The following RBFOX1 variants were observed in gnomAD, a reference collection of about 807,000 sequenced individuals.
RBFOX1 encodes the protein RNA binding fox-1 homolog 1.
RBFOX1 carries 8 observed loss-of-function variants against 57.7 expected under a neutral mutation model. The observed-to-expected ratio is 0.14, with a 90% confidence interval of 0.08 to 0.25. The LOEUF (loss-of-function observed/expected upper bound fraction) is 0.25, where lower values mean the gene tolerates loss of function less well. Ranked by LOEUF, RBFOX1 falls within the 10% of genes least tolerant of loss-of-function variation. The probability of loss-of-function intolerance (pLI) is 1.00; values close to 1 mark genes in which losing one functional copy is unlikely to be tolerated. For missense variants in RBFOX1, 611 were observed against 548.5 expected (o/e 1.11, Z -1.14); for synonymous variants, 326 against 222.4 (o/e 1.47, Z -4.15).
chr16:5,929,002 C>T (rs1229554094), intron 4 of RBFOX1, among the ~76,000 whole-genome samples: 1 of 142,066 alleles, frequency 7.0e-6, no homozygotes, highest in Non-Finnish European at 1.5e-5. Context: ...CCTAAGGCCA[C>T]TTTCAAAGTG....
intron 3 of RBFOX1, among the ~76,000 whole-genome samples, chr16:6,752,576 A>G (rs939189998): frequency 1.3e-5 from 2 of 152,216 alleles, no homozygotes; most frequent in Admixed American, 1.3e-4. Flanking sequence ...GATACTCTTC[A>G]CTGAACTTTG....
intron 14 of RBFOX1, among the ~76,000 whole-genome samples, chr16:7,677,206 T>C (rs930600567): frequency 6.7e-6 from 1 of 148,526 alleles, no homozygotes; most frequent in Non-Finnish European, 1.5e-5. Context: ...CGGTTTCATC[T>C]AACTCATAGG....
At chr16:6,092,995 A>G (rs961160423) in intron 1 of RBFOX1, 3 of 152,230 alleles carry the variant, frequency 2.0e-5, no homozygotes, top group Non-Finnish European at 2.9e-5. Context: ...AGAATAATCT[A>G]TACACCAAAA....
intron 1 of RBFOX1, among the ~76,000 whole-genome samples, chr16:6,029,380 G>C (rs2095254006): frequency 6.6e-6 from 1 of 152,184 alleles, no homozygotes. Context: ...TAAGAAAGCC[G>C]ATTAGCCACA....
chr16:7,232,906 A>G (rs1468717704), intron 4 of RBFOX1, among the ~76,000 whole-genome samples: 1 of 151,772 alleles, frequency 6.6e-6, no homozygotes, highest in Non-Finnish European at 1.5e-5. Context: ...CTTACCTAGC[A>G]CATGATGTTA....
intron 5 of RBFOX1, among the ~76,000 whole-genome samples, chr16:7,549,472 G>C (rs1172129147): frequency 6.6e-6 from 1 of 152,098 alleles, no homozygotes; most frequent in Non-Finnish European, 1.5e-5. Flanking sequence ...TATATAAGGG[G>C]GAGTTTATAA....
In RBFOX1 at chr16:5,947,670, C is replaced by G. The variant is rs898106194; in HGVS notation, c.351+80335C>G. 6.6e-6 allele frequency among the ~76,000 whole-genome samples: 1 copy of G among 152,140 alleles called. No individual in the cohort carries two copies. The highest frequency in any genetic ancestry group is 2.4e-5 in the African/African-American group (1 of 41,448). On this transcript the variant is annotated intron_variant, in intron 4 of 19. Coordinates refer to the RBFOX1 transcript ENST00000641259. The surrounding 1 kb of genome is among the most constrained non-coding windows in gnomAD (Gnocchi z 7.2). The stretch of plus-strand genomic sequence containing the variant: ...TGGCATCCCTTACCATCTTCCTTCT[C>G]TATTGTAAATCTGCCCTTTTGAGAG...
chr16:5,576,554 A>G (rs1014204704), intron 2 of RBFOX1, among the ~76,000 whole-genome samples: 4 of 152,336 alleles, frequency 2.6e-5, no homozygotes, highest in African/African-American at 9.6e-5. Context: ...AAAGATGTGT[A>G]TCCTGCCCCT....
At chr16:7,338,558 T>TA (rs2096836126) in intron 4 of RBFOX1, among the ~76,000 whole-genome samples, 1 of 152,082 alleles carries the variant, frequency 6.6e-6, no homozygotes, top group African/African-American at 2.4e-5. Flanking sequence ...TCAGCTTTTT[T>TA]AAAAAAAATT....
At chr16:7,276,133 C>A (rs1276038957) in intron 4 of RBFOX1, among the ~76,000 whole-genome samples, 5 of 152,324 alleles carry the variant, frequency 3.3e-5, no homozygotes, top group Middle Eastern at 3.4e-3. Flanking sequence ...TTTAAAGAGA[C>A]CCTGCAAGGT....
In RBFOX1 at chr16:7,709,038, C is replaced by G. The variant is rs768320667; in HGVS notation, c.996-18C>G. On this transcript the variant is annotated intron_variant, in intron 14 of 15. Coordinates refer to ENST00000550418, the MANE Select transcript of RBFOX1 (RefSeq NM_018723.4). ...ATTGCATACTGTGGATCAATCTTCA[C>G]CTCTATTTTCCTTTCAGTTACGGAC... 1 of 1,601,664 alleles carries G rather than the reference C, an allele frequency of 6.2e-7. No individual in the cohort carries two copies. Among genetic ancestry groups the G allele is most frequent in the South Asian group, 1.1e-5 (1 of 90,796 alleles).
In RBFOX1 at chr16:5,866,604, A is replaced by T. The variant is rs80133635; in HGVS notation, c.319-699A>T. On this transcript the variant is annotated intron_variant, in intron 3 of 19. Transcript: ENST00000641259. The stretch of plus-strand genomic sequence containing the variant: ...GGAGGTGTCTACACCAAATCCTTTG[A>T]TATACAGTAGGCTTGTAGATAGGAG... Among the ~76,000 whole-genome samples the T allele has an allele frequency of 5.1e-3, 784 of 152,348 alleles. 4 individuals carry two copies. Among genetic ancestry groups the T allele is most frequent in the African/African-American group, 0.018 (736 of 41,576 alleles).
intron 3 of RBFOX1, among the ~76,000 whole-genome samples, chr16:6,680,565 C>T (rs2058499969): frequency 6.6e-6 from 1 of 152,182 alleles, no homozygotes; most frequent in African/African-American, 2.4e-5. Context: ...GTCCGGCCCT[C>T]TTTGCTTTTT....
chr16:7,581,656 A>T (rs1020845125), intron 6 of RBFOX1, among the ~76,000 whole-genome samples: 1 of 152,174 alleles, frequency 6.6e-6, no homozygotes, highest in Admixed American at 6.5e-5. Flanking sequence ...GGCAAGGAGC[A>T]AGATCTTGCC....
At chr16:6,521,881 C>G (rs1374813466) in intron 2 of RBFOX1, among the ~76,000 whole-genome samples, 1 of 152,056 alleles carries the variant, frequency 6.6e-6, no homozygotes, top group Non-Finnish European at 1.5e-5. Context: ...ATCACTGGCC[C>G]ATTTTAATCT....
At chr16:6,524,314 A>G (rs1020551264) in intron 2 of RBFOX1, among the ~76,000 whole-genome samples, 1 of 152,194 alleles carries the variant, frequency 6.6e-6, no homozygotes. Flanking sequence ...GTTGTTGCAA[A>G]TGACTGTATC....
At chr16:6,004,597 T>A (rs1337677015) in intron 4 of RBFOX1, among the ~76,000 whole-genome samples, 1 of 152,216 alleles carries the variant, frequency 6.6e-6, no homozygotes, top group Non-Finnish European at 1.5e-5. Context: ...TATATGCTAT[T>A]CATTTAACAT....
rs368803215 is a variant in RBFOX1 at position 5,558,969 on chromosome 16, G to C, written c.259-39933G>C. Among the ~76,000 whole-genome samples, 387 of 152,120 alleles carry C rather than the reference G, an allele frequency of 2.5e-3. 2 individuals are homozygous for C. The highest frequency in any genetic ancestry group is 8.9e-3 in the African/African-American group (369 of 41,494). ...CTAGATGTGTGAGGCATGCCAGGTGGGTCAGAGGGAGGTGATCCCACACTC... is the reference window on the plus strand; with the variant it reads ...CTAGATGTGTGAGGCATGCCAGGTGCGTCAGAGGGAGGTGATCCCACACTC... On this transcript the variant is annotated intron_variant, in intron 2 of 2. Transcript: ENST00000585867.
intron 4 of RBFOX1, among the ~76,000 whole-genome samples, chr16:5,912,290 C>G (rs1395001619): frequency 1.3e-5 from 2 of 152,164 alleles, no homozygotes; most frequent in African/African-American, 4.8e-5. Context: ...CAGAATGAAG[C>G]TCACCGTATC....
Sources: allele counts gnomAD v4.1 joint callset (sites outside exome capture counted in the v4.1 genomes callset), GRCh38; gene constraint gnomAD v4.1.1; non-coding constraint Gnocchi (gnomAD v3.1); transcripts MANE v1.5; gene names NCBI Gene and HGNC (gene_info 2026-07-23, HGNC 2026-07-21).